CPA6: variants seen among roughly 807,000 people sequenced by gnomAD.
CPA6 encodes the protein carboxypeptidase A6.
Under a neutral mutation model 63.3 loss-of-function variants are expected in CPA6, and 58 were observed. That is an observed-to-expected ratio of 0.92 (90% confidence interval 0.74 to 1.14). CPA6 has a LOEUF of 1.14. CPA6 is among the 50% of genes most tolerant of loss of function. CPA6 has a pLI of 0.00. For synonymous variants in CPA6, 185 were observed against 179.0 expected (o/e 1.03, Z -0.27); for missense variants, 565 against 526.6 (o/e 1.07, Z -0.71).
At chr8:67,622,779 AG>A (rs1435695781) in intron 2 of CPA6, among the ~76,000 whole-genome samples, 1 of 152,228 alleles carries the variant, frequency 6.6e-6, no homozygotes, top group African/African-American at 2.4e-5. Context: ...TCAGTCATGT[AG>A]GAAAAAACAT....
intron 1 of CPA6, among the ~76,000 whole-genome samples, chr8:67,666,556 G>A (rs1273308513): frequency 1.3e-5 from 2 of 152,142 alleles, no homozygotes; most frequent in Admixed American, 6.5e-5. Flanking sequence ...CTTTGCTAAT[G>A]GGAACAGGAA....
intron 1 of CPA6, among the ~76,000 whole-genome samples, chr8:67,636,920 AAAT>A (rs1815481422): frequency 6.6e-6 from 1 of 151,572 alleles, no homozygotes; most frequent in Non-Finnish European, 1.5e-5. Flanking sequence ...AAAAAGCAAT[AAAT>A]AAGAGACAAC....
chr8:67,556,859 C>A (rs960888301), intron 2 of CPA6, among the ~76,000 whole-genome samples: 21 of 152,182 alleles, frequency 1.4e-4, no homozygotes, highest in Non-Finnish European at 2.8e-4. Flanking sequence ...ATTTACCTGA[C>A]CTTGGCCCTT....
intron 2 of CPA6, among the ~76,000 whole-genome samples, chr8:67,599,529 G>A (rs1384196190): frequency 6.6e-6 from 1 of 152,026 alleles, no homozygotes; most frequent in Non-Finnish European, 1.5e-5. Flanking sequence ...CCTCTCTTGA[G>A]GTCTGTAATT....
chr8:67,608,840 G>A (rs773496200), intron 2 of CPA6, among the ~76,000 whole-genome samples: 10 of 152,156 alleles, frequency 6.6e-5, no homozygotes, highest in Non-Finnish European at 1.5e-4. Context: ...AGGGGCCAAG[G>A]CAATTCTCCC....
intron 9 of CPA6, among the ~76,000 whole-genome samples, chr8:67,429,854 A>T (rs1365009556): frequency 6.6e-6 from 1 of 152,178 alleles, no homozygotes; most frequent in East Asian, 1.9e-4. Flanking sequence ...GCCTATTTAC[A>T]CAAAGGAGAT....
chr8:67,494,444 G>A (rs1473705867), intron 6 of CPA6, among the ~76,000 whole-genome samples: 1 of 152,058 alleles, frequency 6.6e-6, no homozygotes, highest in East Asian at 1.9e-4. Context: ...AGAATTATTT[G>A]AGGAAAAAAA....
At chr8:67,732,173 T>C (rs1280486797) in intron 1 of CPA6, among the ~76,000 whole-genome samples, 1 of 152,148 alleles carries the variant, frequency 6.6e-6, no homozygotes, top group Non-Finnish European at 1.5e-5. Context: ...CCAAAACACA[T>C]TGAACAGGGA....
chr8:67,716,944 A>G (rs1016906799), intron 1 of CPA6, among the ~76,000 whole-genome samples: 1 of 152,182 alleles, frequency 6.6e-6, no homozygotes, highest in Non-Finnish European at 1.5e-5. Context: ...CATTCCACAC[A>G]TGGTAGGGTT....
chr8:67,631,557 T>C (rs185111908), intron 1 of CPA6, among the ~76,000 whole-genome samples: 5 of 151,722 alleles, frequency 3.3e-5, no homozygotes, highest in Admixed American at 3.3e-4. Context: ...CTCTGTAAAA[T>C]GGACCAATCA....
At chr8:67,508,509 GTGTC>G (rs1811978539) in intron 5 of CPA6, among the ~76,000 whole-genome samples, 1 of 152,138 alleles carries the variant, frequency 6.6e-6, no homozygotes, top group African/African-American at 2.4e-5. Flanking sequence ...TGTCTAGAGA[GTGTC>G]TGTGGTATGA....
intron 8 of CPA6, among the ~76,000 whole-genome samples, chr8:67,476,975 G>T (rs1292267561): frequency 2.0e-5 from 3 of 151,978 alleles, no homozygotes; most frequent in Non-Finnish European, 4.4e-5. Flanking sequence ...CAGGATTCTA[G>T]GTCCTTAACT....
At chr8:67,733,846 C>CT (rs10696053) in intron 1 of CPA6, among the ~76,000 whole-genome samples, 2,183 of 94,894 alleles carry the variant, frequency 0.023, 132 homozygotes, top group African/African-American at 0.067. Flanking sequence ...GCTGCATCGT[C>CT]TTTTTTTTTT....
chr8:67,573,161 A>G (rs1412962358), intron 2 of CPA6, among the ~76,000 whole-genome samples: 1 of 152,252 alleles, frequency 6.6e-6, no homozygotes, highest in Non-Finnish European at 1.5e-5. Context: ...CCCACAGCTA[A>G]CATTATACAC....
chr8:67,540,299 C>T (rs1207516979), intron 2 of CPA6, among the ~76,000 whole-genome samples: 3 of 152,162 alleles, frequency 2.0e-5, no homozygotes, highest in Admixed American at 2.0e-4. Context: ...TGGAGATCCA[C>T]TCCAGACCCT....
chr8:67,465,545 G>T (rs115398426), intron 8 of CPA6, among the ~76,000 whole-genome samples: 39 of 152,240 alleles, frequency 2.6e-4, no homozygotes, highest in African/African-American at 9.4e-4. Context: ...GAATAGGAGT[G>T]GTGAGATGGG....
chr8:67,642,793 TCACACACACACACACA>T lies in CPA6; in HGVS notation c.117-18558_117-18543del, dbSNP rs61054637. Among the ~76,000 whole-genome samples, 31 of 145,074 alleles carry T rather than the reference TCACACACACACACACA, an allele frequency of 2.1e-4. 1 individual carries two copies. On this transcript the variant is annotated intron_variant, in intron 1 of 10. Transcript: ENST00000297770. ...AAAATAATTAACTTGGGCCTTTATC[TCACACACACACACACA>T]CACACACACACACACTCCAAGTCAA...
At chr8:67,468,541 G>A (rs953197839) in intron 8 of CPA6, among the ~76,000 whole-genome samples, 45 of 150,740 alleles carry the variant, frequency 3.0e-4, no homozygotes, top group Admixed American at 8.6e-4. Flanking sequence ...ATCCGAGATC[G>A]CGTCATTGCA....
chr8:67,495,292 A>C (rs1811687015), intron 6 of CPA6, among the ~76,000 whole-genome samples: 1 of 152,062 alleles, frequency 6.6e-6, no homozygotes, highest in Non-Finnish European at 1.5e-5. Flanking sequence ...TCCATTCCTA[A>C]AGACTTTCTT....
Sources: allele counts gnomAD v4.1 joint callset (sites outside exome capture counted in the v4.1 genomes callset), GRCh38; gene constraint gnomAD v4.1.1; transcripts MANE v1.5; gene names NCBI Gene and HGNC (gene_info 2026-07-23, HGNC 2026-07-21).